The following SPECC1 variants were observed in gnomAD, a reference collection of about 807,000 sequenced individuals.
SPECC1 encodes the protein sperm antigen with calponin homology and coiled-coil domains 1.
Under a neutral mutation model 104.1 loss-of-function variants are expected in SPECC1, and 62 were observed. That is an observed-to-expected ratio of 0.60 (90% CI 0.49 to 0.74). SPECC1 has a LOEUF of 0.74. Among genes scored for constraint, SPECC1 ranks in the 30% least tolerant of loss-of-function variants. The pLI is 0.00. For synonymous variants in SPECC1, 513 were observed against 501.6 expected (o/e 1.02, Z -0.30); for missense variants, 1,306 against 1,310.5 (o/e 1.00, Z 0.05).
Position 20,205,333 on chromosome 17 carries a change from G to A in SPECC1, c.1284G>A (p.Gln428=), listed in dbSNP as rs935234282. 1.9e-6 allele frequency: 3 copies of A among 1,614,234 alleles called. No individual in the cohort carries two copies. The highest frequency in any genetic ancestry group is 2.5e-6 in the Non-Finnish European group (3 of 1,180,042). Residue 428 remains glutamine (Q), a synonymous_variant, in exon 4 of 15, where the codon CAG becomes CAA. Coordinates refer to ENST00000395527, the MANE Select transcript of SPECC1 (RefSeq NM_001243439.2). ...CGATTTTAGAGACATCCTTTCATCA[G>A]CATCGAGAGAGGGCAGAGCAGCTAA... ...EKTILETSFH[Q]HRERAEQLSQ... is the part of the protein sequence containing the mutation.
At chr17:20,298,850 A>T (rs1439405844) in intron 13 of SPECC1, among the ~76,000 whole-genome samples, 1 of 151,838 alleles carries the variant, frequency 6.6e-6, no homozygotes, top group African/African-American at 2.4e-5. Flanking sequence ...GAAGGATCAT[A>T]GCAATGACAA....
At chr17:20,067,871 T>C (rs899431321) in intron 1 of SPECC1, among the ~76,000 whole-genome samples, 1 of 152,012 alleles carries the variant, frequency 6.6e-6, no homozygotes, top group African/African-American at 2.4e-5. Context: ...CTTCCATCGC[T>C]CCTTCCCTCA....
At chr17:20,251,480 C>T (rs958461139) in intron 9 of SPECC1, among the ~76,000 whole-genome samples, 7 of 152,082 alleles carry the variant, frequency 4.6e-5, no homozygotes, top group Non-Finnish European at 1.0e-4. Flanking sequence ...CAGCCAACTT[C>T]AAAAGCAAGA....
At chr17:20,256,597 C>G (rs750761385) in intron 10 of SPECC1, among the ~76,000 whole-genome samples, 1 of 152,126 alleles carries the variant, frequency 6.6e-6, no homozygotes, top group Non-Finnish European at 1.5e-5. Flanking sequence ...TCATCCTGGT[C>G]CCTGGTCTGC....
intron 3 of SPECC1, among the ~76,000 whole-genome samples, chr17:20,179,793 C>G (rs2034740326): frequency 6.6e-6 from 1 of 152,106 alleles, no homozygotes; most frequent in African/African-American, 2.4e-5. Context: ...CAGTAGAGAG[C>G]AGTGAATGTT....
Position 20,309,135 on chromosome 17 carries a change from C to G in SPECC1, c.3117+3053C>G, listed in dbSNP as rs2041857970. 2.0e-5 allele frequency among the ~76,000 whole-genome samples: 3 copies of G among 152,132 alleles called. No individual in the cohort carries two copies. The South Asian group carries it at 6.2e-4, about 32-fold the overall frequency. ...ACTTAGGAGTGTTTGTGAGCACTTT[C>G]CCGGCTTTTTCCACCAACAAAATAG... On this transcript the variant is annotated intron_variant, in intron 14 of 14. Transcript: ENST00000395527.
At chr17:20,189,000 G>A (rs1444319873) in intron 3 of SPECC1, among the ~76,000 whole-genome samples, 1 of 152,142 alleles carries the variant, frequency 6.6e-6, no homozygotes, top group Non-Finnish European at 1.5e-5. Context: ...ATCTCTGTGA[G>A]GTATAACTGA....
intron 1 of SPECC1, among the ~76,000 whole-genome samples, chr17:20,071,761 AC>A (rs1261511808): frequency 3.3e-5 from 5 of 152,202 alleles, no homozygotes; most frequent in African/African-American, 1.2e-4. Flanking sequence ...ACAGTTGAAT[AC>A]ATACTTATTT....
chr17:20,060,110 G>T (rs1297960135), intron 1 of SPECC1, among the ~76,000 whole-genome samples: 3 of 152,188 alleles, frequency 2.0e-5, no homozygotes. Flanking sequence ...CTCTTCTAAA[G>T]AATGTTCCAT....
At chr17:20,175,202 A>G (rs1285501391) in intron 3 of SPECC1, among the ~76,000 whole-genome samples, 7 of 152,154 alleles carry the variant, frequency 4.6e-5, no homozygotes, top group Admixed American at 3.9e-4. Flanking sequence ...AAAGCTCCTG[A>G]TGCCATCATC....
At chr17:20,253,993 G>A (rs2039729098) in intron 10 of SPECC1, among the ~76,000 whole-genome samples, 2 of 151,982 alleles carry the variant, frequency 1.3e-5, no homozygotes, top group African/African-American at 4.8e-5. Flanking sequence ...AACCTCAAGA[G>A]CATATTTTCT....
At chr17:20,236,918 G>T (rs1239253499) in intron 7 of SPECC1, 3 of 1,613,478 alleles carry the variant, frequency 1.9e-6, no homozygotes, top group African/African-American at 1.3e-5. Flanking sequence ...CCCAGCTCTT[G>T]CCATGATTGG....
chr17:20,175,448 A>T (rs898918035), intron 3 of SPECC1, among the ~76,000 whole-genome samples: 5 of 151,942 alleles, frequency 3.3e-5, no homozygotes, highest in African/African-American at 1.2e-4. Flanking sequence ...CTTTCCTGTT[A>T]TACTTGTATT....
intron 12 of SPECC1, among the ~76,000 whole-genome samples, chr17:20,288,310 C>T (rs1054376298): frequency 1.3e-5 from 2 of 152,016 alleles, no homozygotes; most frequent in Non-Finnish European, 2.9e-5. Flanking sequence ...TATATAACCA[C>T]TAATAGGATT....
chr17:20,298,948 A>AGAGAGAGAGAGAGAGAGAGAGG, intron 13 of SPECC1, among the ~76,000 whole-genome samples: 1 of 49,072 alleles, frequency 2.0e-5, no homozygotes, highest in African/African-American at 9.3e-5. Flanking sequence ...AGAGAGAGAG[A>AGAGAGAGAGAGAGAGAGAGAGG]GTGTGTGTGT....
chr17:20,209,383 C>A (rs2036988823), intron 4 of SPECC1, among the ~76,000 whole-genome samples: 1 of 152,104 alleles, frequency 6.6e-6, no homozygotes, highest in Non-Finnish European at 1.5e-5. Flanking sequence ...CTAATAGATT[C>A]CGTAAATCTA....
intron 1 of SPECC1, among the ~76,000 whole-genome samples, chr17:20,082,207 C>T (rs1275626444): frequency 6.6e-6 from 1 of 152,212 alleles, no homozygotes; most frequent in African/African-American, 2.4e-5. Context: ...CCAGTTTTCA[C>T]ATGTCAACCT....
At chr17:20,250,427 A>G (rs2039578684) in intron 9 of SPECC1, among the ~76,000 whole-genome samples, 2 of 152,246 alleles carry the variant, frequency 1.3e-5, no homozygotes, top group Non-Finnish European at 2.9e-5. Flanking sequence ...AAATGGGTAC[A>G]TCACTAAAGA....
At position 20,238,517 on chromosome 17, in the gene SPECC1, AT is replaced by A; in HGVS notation, c.2351+6114del. 3 of 1,042,128 alleles carry A rather than the reference AT, an allele frequency of 2.9e-6. No individual in the cohort carries two copies. In the South Asian group the frequency reaches 1.4e-4, roughly 48 times the overall value. The allele number at this position is 1,042,128 out of a possible 1,614,324, so 64.6% of individuals were successfully genotyped here. The stretch of plus-strand genomic sequence containing the variant: ...AAAGTTACTGTCTAATAAAAGGAAA[AT>A]TAGGAACAGGAATGCTCTTTAAACT... On this transcript the variant is annotated intron_variant, in intron 7 of 14. Coordinates refer to ENST00000395527, the MANE Select transcript of SPECC1 (RefSeq NM_001243439.2).
Sources: allele counts gnomAD v4.1 joint callset (sites outside exome capture counted in the v4.1 genomes callset), GRCh38; gene constraint gnomAD v4.1.1; transcripts MANE v1.5; gene names NCBI Gene and HGNC (gene_info 2026-07-23, HGNC 2026-07-21).